The following TYK2 variants were observed in gnomAD, a reference collection of about 807,000 sequenced individuals.
TYK2 encodes non-receptor tyrosine-protein kinase TYK2.
A neutral mutation model predicts 130.9 loss-of-function variants in TYK2; 65 were observed. The observed-to-expected ratio is 0.50, with a 90% confidence interval of 0.41 to 0.61. TYK2 has a LOEUF of 0.61. Ranked by LOEUF, TYK2 falls within the 20% of genes least tolerant of loss-of-function variation. TYK2 has a pLI of 0.00. For synonymous variants in TYK2, 647 were observed against 658.9 expected (o/e 0.98, Z 0.28); for missense variants, 1,378 against 1,610.7 (o/e 0.86, Z 2.47).
chr19:10,366,330 C>T (rs1013362057), intron 6 of TYK2, 87 bp downstream of exon 6: 67 of 1,398,264 alleles, frequency 4.8e-5, no homozygotes, highest in Admixed American at 8.9e-5. Context: ...AGTAGAGGCA[C>T]GGCAATATGC....
In TYK2 at chr19:10,358,987, C is replaced by T. The variant is rs540171989; in HGVS notation, c.2175+188G>A. ...CTGAGGCGGGAGAATCATTTGAACC[C>T]GGGAGGCGAAGGTTGCAGTGAGCCG... On this transcript the variant is annotated intron_variant, in intron 15 of 24. Coordinates refer to ENST00000525621, the MANE Select transcript of TYK2 (RefSeq NM_003331.5). 3.8e-3 allele frequency among the ~76,000 whole-genome samples: 572 copies of T among 152,218 alleles called. 2 individuals carry two copies. The highest frequency in any genetic ancestry group is 0.013 in the African/African-American group (545 of 41,546).
rs1295478353 is a variant in TYK2, at chr19:10,362,059, G to A, written c.1773+19C>T. ...CCCAGGGGCCCTGCCCTTGCCCCGG[G>A]CCCCTTCCCTGCACCCACCTGGGTG... is the stretch of plus-strand genomic sequence containing the variant. On this transcript the variant is annotated intron_variant, in intron 12 of 24. Transcript: ENST00000525621. The A allele has an allele frequency of 5.6e-6, 9 of 1,613,734 alleles. No homozygotes were observed. The East Asian group carries it at 6.7e-5, about 12-fold the overall frequency.
At chr19:10,372,296 G>GTTT (rs776320771) in intron 3 of TYK2, among the ~76,000 whole-genome samples, 2 of 129,946 alleles carry the variant, frequency 1.5e-5, no homozygotes, top group Non-Finnish European at 1.7e-5. Context: ...CCCGGCCTGG[G>GTTT]TTTTTTTTTT....
rs1226403046 is a variant in TYK2, at chr19:10,378,290, G to A, written c.117C>T (p.Gly39=). The part of the protein sequence containing the change: ...KVLLHWAGPG[G]GEPWVTFSES... ...CACTGAAAGTGACCCAGGGCTCCCC[G>A]CCGCCTGGACCAGCCCAGTGCAGAA... Residue 39 remains glycine (G), a synonymous_variant, in exon 3 of 25, where the codon GGC becomes GGT. Transcript: ENST00000525621. 1.5e-5 allele frequency: 24 copies of A among 1,612,702 alleles called. No homozygotes were observed. The highest frequency in any genetic ancestry group is 4.5e-5 in the East Asian group (2 of 44,890).
At chr19:10,355,816 G>T (rs1415364194) in intron 18 of TYK2, among the ~76,000 whole-genome samples, 1 of 151,518 alleles carries the variant, frequency 6.6e-6, no homozygotes. Flanking sequence ...ACAAAAATTA[G>T]CCCGGCGTGG....
intron 3 of TYK2, among the ~76,000 whole-genome samples, chr19:10,371,114 C>T (rs920330096): frequency 9.2e-5 from 14 of 151,796 alleles, no homozygotes; most frequent in African/African-American, 2.2e-4. Flanking sequence ...TACAGGCGCA[C>T]GCCACCATGC....
In TYK2 at chr19:10,364,541, C is replaced by CA. The variant is rs1255476500; in HGVS notation, c.1367+72dup. 5.1e-6 allele frequency: 8 copies of CA among 1,556,254 alleles called. No individual in the cohort carries two copies. The Admixed American group carries it at 1.3e-4, about 26-fold the overall frequency. On this transcript the variant is annotated intron_variant, in intron 9 of 24. Transcript: ENST00000525621. The surrounding 1 kb of genome is among the most constrained non-coding windows in gnomAD (Gnocchi z 4.9). ...GACGTGCACCTACACACACACCCTG[C>CA]ACAGCCCCTAGGGCTCACAGTCTAG...
At chr19:10,356,774 C>A in intron 17 of TYK2, 56 bp from the exon 18 acceptor site, 1 of 1,544,144 alleles carries the variant, frequency 6.5e-7, no homozygotes, top group Admixed American at 1.9e-5. Context: ...CCAACCCGTT[C>A]CCCAAGAGGC....
chr19:10,373,078 C>A (rs1287400018), intron 3 of TYK2, among the ~76,000 whole-genome samples: 15 of 150,760 alleles, frequency 9.9e-5, no homozygotes, highest in South Asian at 4.2e-4. Context: ...CTCTTGTTGC[C>A]CAGGCTGGAG....
intron 6 of TYK2, 47 bp from the exon 7 acceptor site, chr19:10,365,945 G>T: frequency 6.5e-7 from 1 of 1,545,244 alleles, no homozygotes; most frequent in East Asian, 2.3e-5. Flanking sequence ...TGGGTTGCAG[G>T]CCCAGCTGGG....
At chr19:10,354,643 C>G in intron 18 of TYK2, 34 bp from the exon 19 acceptor site, 1 of 1,564,114 alleles carries the variant, frequency 6.4e-7, no homozygotes, top group East Asian at 2.2e-5. Context: ...GGCCTGACCC[C>G]GATCCTTTCC....
chr19:10,352,581 G>C (rs755948155), intron 22 of TYK2, 30 bp from the exon 23 acceptor site: 11 of 1,093,738 alleles, frequency 1.0e-5, no homozygotes, highest in Middle Eastern at 2.1e-4. Flanking sequence ...CAGGCCACGG[G>C]GGGCTGCACT....
At chr19:10,369,623 TC>T in intron 3 of TYK2, 1 of 416,158 alleles carries the variant, frequency 2.4e-6, no homozygotes, top group Non-Finnish European at 4.8e-6. Flanking sequence ...TCCTGCACCC[TC>T]CATGTCCTGG....
chr19:10,372,458 CTATATATATA>C (rs569826524), intron 3 of TYK2, among the ~76,000 whole-genome samples: 23 of 45,976 alleles, frequency 5.0e-4, no homozygotes, highest in Non-Finnish European at 7.9e-4. Flanking sequence ...CCACACACAG[CTATATATATA>C]TATATATATA....
At position 10,365,519 on chromosome 19, in the gene TYK2, C is replaced by T; in HGVS notation, c.1009G>A (p.Glu337Lys). Residue 337 changes from glutamate to lysine, a missense_variant and splice_region_variant, in exon 7 of 25, where the codon GAG becomes AAG. By Grantham distance (56) the Glu-to-Lys change is moderately conservative. Coordinates refer to ENST00000525621, the MANE Select transcript of TYK2 (RefSeq NM_003331.5). The part of the protein sequence containing the change: ...WPVEEEVNKE[E>K]GSSGSSGRNP... ...GGCGGAAGGGGCGCCTTGCTCACCT[C>T]CTCCTTGTTCACCTCCTCCTCTACT... 3.7e-6 allele frequency: 6 copies of T among 1,613,936 alleles called. No homozygotes were observed. The highest frequency in any genetic ancestry group is 5.1e-6 in the Non-Finnish European group (6 of 1,180,004).
In TYK2 at chr19:10,364,065, C is replaced by A. The variant is rs117755678; in HGVS notation, c.1367+549G>T. On this transcript the variant is annotated intron_variant, in intron 9 of 24. Transcript: ENST00000525621. The surrounding 1 kb of genome is among the most constrained non-coding windows in gnomAD (Gnocchi z 4.9). ...TCAGGCCCACAAGTCACACACAGGA[C>A]CCCGCTGAGATGGTGACTCACAAGT... is the stretch of plus-strand genomic sequence containing the variant. 6.6e-5 allele frequency among the ~76,000 whole-genome samples: 10 copies of A among 152,350 alleles called. No homozygotes were observed. In the East Asian group the frequency reaches 1.9e-3, roughly 29 times the overall value.
chr19:10,374,257 C>T (rs1230248970), intron 3 of TYK2, among the ~76,000 whole-genome samples: 17 of 151,112 alleles, frequency 1.1e-4, no homozygotes, highest in Non-Finnish European at 5.9e-5. Flanking sequence ...CAGAGCGAGA[C>T]TCTGTCTCAA....
rs200948099 is a variant in TYK2, at chr19:10,365,720, A to G, written c.808T>C (p.Phe270Leu). ...CACACGGGCACACGCTCTGTGCCGA[A>G]GCGGGGTGCCAGCCGCTCGAGTGTG... ...LATLERLAPR[F>L]GTERVPVCHL... Residue 270 changes from phenylalanine (F) to leucine (L), a missense_variant, in exon 7 of 25, where the codon TTC becomes CTC. Physicochemically the swap from Phe to Leu is conservative, Grantham distance 22 (BLOSUM62 0). Transcript: ENST00000525621. The G allele has an allele frequency of 3.1e-6, 5 of 1,613,020 alleles. No homozygotes were observed. The East Asian group carries it at 1.1e-4, about 36-fold the overall frequency.
Position 10,362,346 on chromosome 19 carries a change from A to G in TYK2, c.1587T>C (p.Leu529=), listed in dbSNP as rs370758072. The G allele has an allele frequency of 6.2e-6, 10 of 1,613,968 alleles. No homozygotes were observed. Among genetic ancestry groups the G allele is most frequent in the Non-Finnish European group, 8.5e-6 (10 of 1,179,984 alleles). ...GCAAGCAGCCCTGCAAGGCAGCCCC[A>G]AGTTCCCGAACGCTGGGGAAGGACC... The part of the protein sequence containing the change: ...WGRSFPSVRE[L]GAALQGCLLR... Residue 529 remains leucine (L), a synonymous_variant, in exon 11 of 25, where the codon CTT becomes CTC. Transcript: ENST00000525621.
Sources: allele counts gnomAD v4.1 joint callset (sites outside exome capture counted in the v4.1 genomes callset), GRCh38; gene constraint gnomAD v4.1.1; non-coding constraint Gnocchi (gnomAD v3.1); transcripts MANE v1.5; gene names NCBI Gene and HGNC (gene_info 2026-07-23, HGNC 2026-07-21).